Variants in SH3D19 observed in about 807,000 individuals in gnomAD.
SH3D19 encodes SH3 domain-containing protein 19.
SH3D19 carries 58 observed loss-of-function variants against 112.1 expected under a neutral mutation model. The ratio of observed to expected loss-of-function variants is 0.52; its 90% CI spans 0.42 to 0.64. The LOEUF is 0.64. SH3D19 is among the 30% of genes least tolerant of loss of function. The pLI is 0.00. For missense variants in SH3D19, 1,090 were observed against 1,263.4 expected (o/e 0.86, Z 2.08); for synonymous variants, 391 against 448.5 (o/e 0.87, Z 1.62).
intron 1 of SH3D19, among the ~76,000 whole-genome samples, chr4:151,233,866 C>T (rs1580289778): frequency 6.6e-6 from 1 of 152,160 alleles, no homozygotes. Context: ...ATCTAAGCAG[C>T]GTCTGATGTA....
chr4:151,194,193 T>G (rs576019568), intron 2 of SH3D19, among the ~76,000 whole-genome samples: 8 of 151,018 alleles, frequency 5.3e-5, no homozygotes, highest in Non-Finnish European at 3.0e-5. Context: ...GCCCAGCTAG[T>G]TTTTTTGTAT....
chr4:151,224,568 T>C (rs139180251), intron 2 of SH3D19, among the ~76,000 whole-genome samples: 14 of 152,350 alleles, frequency 9.2e-5, no homozygotes, highest in Non-Finnish European at 1.3e-4. Flanking sequence ...TTAAAATTCA[T>C]ATTGCTCAGT....
intron 1 of SH3D19, among the ~76,000 whole-genome samples, chr4:151,295,564 T>C (rs1775645621): frequency 6.6e-6 from 1 of 152,236 alleles, no homozygotes; most frequent in African/African-American, 2.4e-5. Flanking sequence ...TCCTGTTTGT[T>C]TTCTTCTTAT....
intron 2 of SH3D19, among the ~76,000 whole-genome samples, chr4:151,214,563 C>T (rs1196418611): frequency 2.1e-5 from 3 of 142,474 alleles, no homozygotes; most frequent in Non-Finnish European, 3.1e-5. Context: ...ACCTCCCGGA[C>T]GGGGAGGCTG....
chr4:151,286,707 C>CCACT (rs1016801052), intron 1 of SH3D19, among the ~76,000 whole-genome samples: 1 of 151,656 alleles, frequency 6.6e-6, no homozygotes, highest in Admixed American at 6.6e-5. Flanking sequence ...TGGCCACAGG[C>CCACT]AGTGGCTCAT....
chr4:151,141,482 A>G (rs1233170852), intron 12 of SH3D19, among the ~76,000 whole-genome samples: 1 of 152,042 alleles, frequency 6.6e-6, no homozygotes, highest in Non-Finnish European at 1.5e-5. Flanking sequence ...CCATATCTAC[A>G]AAAAAATAAA....
intron 2 of SH3D19, among the ~76,000 whole-genome samples, chr4:151,195,371 C>CAAAAAA (rs58618820): frequency 1.9e-3 from 125 of 66,698 alleles, no homozygotes; most frequent in African/African-American, 4.4e-3. Context: ...GACTCTGTCT[C>CAAAAAA]AAAAAAAAAA....
intron 1 of SH3D19, among the ~76,000 whole-genome samples, chr4:151,284,969 A>G (rs1441536222): frequency 6.6e-6 from 1 of 152,150 alleles, no homozygotes; most frequent in Non-Finnish European, 1.5e-5. Context: ...ATTTCCCTGC[A>G]CTTTCCAACT....
rs572032293 is a variant in SH3D19 at position 151,139,153 on chromosome 4, AT to A, written c.2296+621del. Among the ~76,000 whole-genome samples the A allele has an allele frequency of 2.8e-3, 399 of 141,580 alleles. 3 individuals carry two copies. The highest frequency in any genetic ancestry group is 8.2e-3 in the African/African-American group (314 of 38,408). The allele number at this position is 141,580 out of a possible 152,430, so 92.9% of individuals were successfully genotyped here. The stretch of plus-strand genomic sequence containing the variant: ...TTACAATTGTTAATTAGTACCCACT[AT>A]TTTTTTTTTTCTTTTTTGAGACGGA... On this transcript the variant is annotated intron_variant, in intron 13 of 19. Coordinates refer to ENST00000604030, the MANE Select transcript of SH3D19 (RefSeq NM_001378122.1).
intron 1 of SH3D19, among the ~76,000 whole-genome samples, chr4:151,287,440 G>T (rs1774917962): frequency 1.3e-5 from 2 of 150,904 alleles, no homozygotes; most frequent in Admixed American, 1.3e-4. Flanking sequence ...GGAAGCTATA[G>T]ACCAGTATCT....
chr4:151,134,398 C>T (rs1226648724), intron 15 of SH3D19, among the ~76,000 whole-genome samples: 1 of 152,180 alleles, frequency 6.6e-6, no homozygotes, highest in Non-Finnish European at 1.5e-5. Flanking sequence ...TTCAGGGAAA[C>T]GTCCTCAGAG....
At chr4:151,216,960 T>C (rs1468558425) in intron 2 of SH3D19, among the ~76,000 whole-genome samples, 4 of 150,704 alleles carry the variant, frequency 2.7e-5, no homozygotes, top group Non-Finnish European at 5.9e-5. Flanking sequence ...ATGTTAATAG[T>C]CCTTTCACAT....
intron 19 of SH3D19, among the ~76,000 whole-genome samples, chr4:151,126,735 T>C (rs574259960): frequency 2.6e-3 from 382 of 145,870 alleles, no homozygotes; most frequent in Non-Finnish European, 3.9e-3. Flanking sequence ...GAGGTGGAGC[T>C]TGCAGTGAGC....
chr4:151,152,504 T>TTC (rs1219627209), intron 9 of SH3D19, among the ~76,000 whole-genome samples: 20 of 151,304 alleles, frequency 1.3e-4, no homozygotes, highest in South Asian at 6.3e-4. Flanking sequence ...TTTTTTGCTA[T>TTC]TCTCTCTCTC....
At chr4:151,207,826 A>G (rs1765330937) in intron 2 of SH3D19, among the ~76,000 whole-genome samples, 1 of 152,254 alleles carries the variant, frequency 6.6e-6, no homozygotes, top group Non-Finnish European at 1.5e-5. Context: ...TCTTTAGGAC[A>G]ATAATAATGC....
intron 11 of SH3D19, among the ~76,000 whole-genome samples, chr4:151,146,736 G>A (rs1753985177): frequency 2.0e-5 from 3 of 151,886 alleles, no homozygotes; most frequent in South Asian, 4.1e-4. Flanking sequence ...GTTTCACCAC[G>A]TTGGCCTGGC....
chr4:151,325,469 C>G lies in SH3D19; in HGVS notation c.-117G>C, dbSNP rs1317179635. ...CTCGGGCCGGGGGGAAGGCGGCTCCCGGAGAGGAGGCGTCGGCGGCGGCTG... is the reference window on the plus strand; with the variant it reads ...CTCGGGCCGGGGGGAAGGCGGCTCCGGGAGAGGAGGCGTCGGCGGCGGCTG... On this transcript the variant is annotated 5_prime_UTR_variant, in exon 1 of 20. Transcript: ENST00000604030. 2 of 404,434 alleles carry G rather than the reference C, an allele frequency of 4.9e-6. No homozygotes were observed. Among genetic ancestry groups the G allele is most frequent in the Admixed American group, 4.9e-5 (1 of 20,246 alleles). The allele number at this position is 404,434 out of a possible 1,614,324, so 25.1% of individuals were successfully genotyped here.
chr4:151,280,291 G>A (rs1433232641), intron 1 of SH3D19, among the ~76,000 whole-genome samples: 1 of 152,168 alleles, frequency 6.6e-6, no homozygotes, highest in Admixed American at 6.5e-5. Flanking sequence ...TTGTCATGTG[G>A]TGAGTGTCCC....
At chr4:151,131,552 T>C (rs930602199) in intron 17 of SH3D19, among the ~76,000 whole-genome samples, 3 of 151,262 alleles carry the variant, frequency 2.0e-5, no homozygotes, top group Non-Finnish European at 2.9e-5. Flanking sequence ...AGTGGCGCAA[T>C]CTTGGCTCAC....
Sources: gnomAD v4.1 joint callset for allele counts (sites outside exome capture counted in the v4.1 genomes callset) on GRCh38, gnomAD v4.1.1 for gene constraint, MANE v1.5 for transcripts, NCBI Gene and HGNC (gene_info 2026-07-23, HGNC 2026-07-21) for gene names.